Variants in PRKCQ observed in about 807,000 individuals in gnomAD.
PRKCQ encodes protein kinase C theta type.
A neutral mutation model predicts 91.2 loss-of-function variants in PRKCQ; 41 were observed. The ratio of observed to expected loss-of-function variants is 0.45; its 90% CI spans 0.35 to 0.58. PRKCQ has a LOEUF of 0.58. Among genes scored for constraint, PRKCQ ranks in the 20% least tolerant of loss-of-function variants. The pLI is 0.00. For synonymous variants in PRKCQ, 307 were observed against 316.9 expected (o/e 0.97, Z 0.33); for missense variants, 673 against 896.5 (o/e 0.75, Z 3.18).
At chr10:6,518,999 C>T (rs1049742685) in intron 1 of PRKCQ, among the ~76,000 whole-genome samples, 1 of 151,992 alleles carries the variant, frequency 6.6e-6, no homozygotes, top group African/African-American at 2.4e-5. Context: ...ATATACACAC[C>T]TGTGTATATG....
At chr10:6,455,387 T>G (rs1408673832) in intron 15 of PRKCQ, among the ~76,000 whole-genome samples, 1 of 152,186 alleles carries the variant, frequency 6.6e-6, no homozygotes, top group Non-Finnish European at 1.5e-5. Context: ...AAGACATCAT[T>G]CCTCATGGAA....
At chr10:6,544,097 A>G (rs1161362108) in intron 1 of PRKCQ, among the ~76,000 whole-genome samples, 1 of 152,178 alleles carries the variant, frequency 6.6e-6, no homozygotes, top group Non-Finnish European at 1.5e-5. Context: ...CATCTTTTGA[A>G]GAGCTCTCAG....
chr10:6,488,747 G>A (rs1295891254), intron 8 of PRKCQ, among the ~76,000 whole-genome samples: 1 of 152,112 alleles, frequency 6.6e-6, no homozygotes, highest in African/African-American at 2.4e-5. Context: ...TTCACCTGAA[G>A]CAAAATCTTT....
chr10:6,521,923 T>C (rs1839023881), intron 1 of PRKCQ, among the ~76,000 whole-genome samples: 2 of 12,844 alleles, frequency 1.6e-4, no homozygotes, highest in Non-Finnish European at 3.9e-4. Flanking sequence ...TTATGTTATG[T>C]TATTTATTTA....
chr10:6,448,209 C>A (rs1005607848), intron 15 of PRKCQ, among the ~76,000 whole-genome samples: 6 of 152,102 alleles, frequency 3.9e-5, no homozygotes, highest in Admixed American at 3.3e-4. Context: ...AGTGGATAAG[C>A]CATGGTCCCT....
intron 15 of PRKCQ, among the ~76,000 whole-genome samples, chr10:6,446,160 C>T (rs1834279077): frequency 6.6e-6 from 1 of 152,070 alleles, no homozygotes; most frequent in South Asian, 2.1e-4. Flanking sequence ...CTGAGCTAGG[C>T]ACAGTTATCC....
At chr10:6,546,900 C>T (rs1166014676) in intron 1 of PRKCQ, among the ~76,000 whole-genome samples, 2 of 152,098 alleles carry the variant, frequency 1.3e-5, no homozygotes, top group Non-Finnish European at 2.9e-5. Flanking sequence ...TTTTGAGATA[C>T]GTCCCATCAA....
chr10:6,441,288 G>A (rs571816126), intron 16 of PRKCQ, among the ~76,000 whole-genome samples: 127 of 152,098 alleles, frequency 8.3e-4, no homozygotes, highest in African/African-American at 1.6e-3. Context: ...GATCACAGGC[G>A]TGTGCCACTA....
rs1835590858 is a variant in PRKCQ, at chr10:6,465,318, GTTC to G, written c.1354-917_1354-915del. Among the ~76,000 whole-genome samples, 1 of 152,160 alleles carries G rather than the reference GTTC, an allele frequency of 6.6e-6. No homozygotes were observed. Among genetic ancestry groups the G allele is most frequent in the Non-Finnish European group, 1.5e-5 (1 of 68,034 alleles). ...GAGGCAAGCCACAGTTTATGACGGA[GTTC>G]TTCTGGCAGAGGACATGATGTATGT... On this transcript the variant is annotated intron_variant, in intron 12 of 17. Coordinates refer to ENST00000263125, the MANE Select transcript of PRKCQ (RefSeq NM_006257.5). The surrounding 1 kb of genome is among the most constrained non-coding windows in gnomAD (Gnocchi z 4.4).
intron 14 of PRKCQ, among the ~76,000 whole-genome samples, chr10:6,461,273 C>G (rs2132324173): frequency 6.6e-6 from 1 of 152,132 alleles, no homozygotes; most frequent in Middle Eastern, 3.5e-3. Context: ...GTTCACTCAT[C>G]CATCATCCAT....
chr10:6,499,991 A>C (rs746562465), intron 4 of PRKCQ, among the ~76,000 whole-genome samples: 5 of 152,248 alleles, frequency 3.3e-5, no homozygotes, highest in Non-Finnish European at 7.3e-5. Flanking sequence ...ACTTCCAGAC[A>C]AAAAGCATTT....
intron 1 of PRKCQ, among the ~76,000 whole-genome samples, chr10:6,568,789 C>T (rs754745705): frequency 8.5e-5 from 13 of 152,116 alleles, no homozygotes; most frequent in African/African-American, 1.2e-4. Context: ...TGAGCCACCG[C>T]GCCCGGCCAG....
intron 16 of PRKCQ, 147 bp from the exon 17 acceptor site, chr10:6,431,085 G>T: frequency 9.6e-7 from 1 of 1,045,720 alleles, no homozygotes; most frequent in Non-Finnish European, 1.3e-6. Flanking sequence ...AAGTCAACCT[G>T]TCCTGGCACT....
At chr10:6,450,650 T>G (rs1469518308) in intron 15 of PRKCQ, among the ~76,000 whole-genome samples, 1 of 151,732 alleles carries the variant, frequency 6.6e-6, no homozygotes. Flanking sequence ...ACCACACCTA[T>G]TCCAAAATTG....
At chr10:6,556,404 C>T (rs1324557206) in intron 1 of PRKCQ, among the ~76,000 whole-genome samples, 1 of 141,112 alleles carries the variant, frequency 7.1e-6, no homozygotes, top group Admixed American at 7.6e-5. Flanking sequence ...TGCACTCCAG[C>T]CTGAGCAACA....
At chr10:6,442,571 A>G (rs1834029269) in intron 15 of PRKCQ, among the ~76,000 whole-genome samples, 1 of 152,218 alleles carries the variant, frequency 6.6e-6, no homozygotes, top group Admixed American at 6.5e-5. Context: ...AAGCCTTGCT[A>G]TCTATGGCTG....
intron 15 of PRKCQ, among the ~76,000 whole-genome samples, chr10:6,444,427 C>G (rs1284591056): frequency 6.6e-6 from 1 of 151,954 alleles, no homozygotes; most frequent in East Asian, 1.9e-4. Context: ...GTGTATTTTC[C>G]CACAATTAAA....
At chr10:6,541,314 T>C (rs574095707) in intron 1 of PRKCQ, among the ~76,000 whole-genome samples, 3 of 152,358 alleles carry the variant, frequency 2.0e-5, no homozygotes, top group Admixed American at 6.5e-5. Context: ...GTCTACATGA[T>C]CATTTTGATT....
the PRKCQ span, among the ~76,000 whole-genome samples, chr10:6,415,442 ATATATATATAT>A: frequency 2.4e-5 from 3 of 123,134 alleles, 1 homozygote; most frequent in African/African-American, 9.1e-5. Context: ...ATATATATAT[ATATATATATAT>A]ATACACTTAC....
Sources: allele counts gnomAD v4.1 joint callset (sites outside exome capture counted in the v4.1 genomes callset), GRCh38; gene constraint gnomAD v4.1.1; non-coding constraint Gnocchi (gnomAD v3.1); transcripts MANE v1.5; gene names NCBI Gene and HGNC (gene_info 2026-07-23, HGNC 2026-07-21).